CPA6: variants seen among roughly 807,000 people sequenced by gnomAD.
CPA6 encodes carboxypeptidase A6, also known as carboxypeptidase B.
In CPA6, 58 loss-of-function variants were observed where a neutral mutation model predicts 63.3. The observed-to-expected ratio is 0.92, with a 90% confidence interval of 0.74 to 1.14. The LOEUF (loss-of-function observed/expected upper bound fraction) is 1.14, where lower values mean the gene tolerates loss of function less well. Among genes scored for constraint, CPA6 ranks in the 50% most tolerant of loss-of-function variants. The pLI is 0.00. For synonymous variants in CPA6, 185 were observed against 179.0 expected, an observed-to-expected ratio of 1.03 and a Z score of -0.27; for missense variants, 565 against 526.6, an observed-to-expected ratio of 1.07 and a Z score of -0.71.
At chr8:67,707,651 G>A (rs1817165793) in intron 1 of CPA6, among the ~76,000 whole-genome samples, 1 of 152,208 alleles carries the variant, frequency 6.6e-6, no homozygotes, top group Admixed American at 6.5e-5. Context: ...GCTCAAGCCT[G>A]TAATCCCAGC....
At chr8:67,690,889 A>G (rs1816801289) in intron 1 of CPA6, among the ~76,000 whole-genome samples, 1 of 152,244 alleles carries the variant, frequency 6.6e-6, no homozygotes, top group South Asian at 2.1e-4. Context: ...GATAACAAAT[A>G]TAACTTTTCT....
At chr8:67,605,169 G>T (rs1004597181) in intron 2 of CPA6, among the ~76,000 whole-genome samples, 1 of 151,648 alleles carries the variant, frequency 6.6e-6, no homozygotes, top group African/African-American at 2.4e-5. Context: ...TCTACTCATG[G>T]TTGTGTCCTC....
intron 1 of CPA6, among the ~76,000 whole-genome samples, chr8:67,640,573 G>A (rs976920327): frequency 6.6e-6 from 1 of 151,370 alleles, no homozygotes; most frequent in Admixed American, 6.6e-5. Flanking sequence ...TGTGGGTTGG[G>A]CGACTGTTGC....
At chr8:67,484,586 C>T (rs1464940224) in intron 7 of CPA6, 93 bp downstream of exon 7, 3 of 606,030 alleles carry the variant, frequency 5.0e-6, no homozygotes, top group Non-Finnish European at 8.8e-6. Flanking sequence ...AGCTGATTGC[C>T]TGTCCAGCTT....
chr8:67,623,428 G>C (rs1815126502), intron 2 of CPA6, among the ~76,000 whole-genome samples: 1 of 150,232 alleles, frequency 6.7e-6, no homozygotes, highest in African/African-American at 2.4e-5. Context: ...TTTTTCTTGA[G>C]ACAGGGTTTC....
Position 67,572,586 on chromosome 8 carries a change from C to T in CPA6, c.192+51590G>A, listed in dbSNP as rs141380992. 4.2e-3 allele frequency among the ~76,000 whole-genome samples: 641 copies of T among 152,246 alleles called. 3 individuals carry two copies. The highest frequency in any genetic ancestry group is 0.014 in the African/African-American group (597 of 41,520). ...TGCAGAACTGTGAGCTAAATAGCCTCTTTTGTATATAAATTACCCAGTCTC... is the reference window on the plus strand; with the variant it reads ...TGCAGAACTGTGAGCTAAATAGCCTTTTTTGTATATAAATTACCCAGTCTC... On this transcript the variant is annotated intron_variant, in intron 2 of 10. Transcript: ENST00000297770.
At chr8:67,713,099 G>GTGTGTGTGTGTGTGTATATA (rs1328463977) in intron 1 of CPA6, among the ~76,000 whole-genome samples, 5 of 55,030 alleles carry the variant, frequency 9.1e-5, no homozygotes, top group African/African-American at 3.7e-4. Context: ...GTGTGTGTGT[G>GTGTGTGTGTGTGTGTATATA]TATATATATA....
intron 8 of CPA6, among the ~76,000 whole-genome samples, chr8:67,472,368 A>ATTTTT (rs770145821): frequency 1.4e-5 from 2 of 140,470 alleles, no homozygotes; most frequent in African/African-American, 6.0e-5. Flanking sequence ...TTTGTAAAAG[A>ATTTTT]TTTATTTTTT....
chr8:67,659,728 T>G (rs1410082447), intron 1 of CPA6, among the ~76,000 whole-genome samples: 1 of 152,216 alleles, frequency 6.6e-6, no homozygotes, highest in Non-Finnish European at 1.5e-5. Flanking sequence ...GCTGAATGCT[T>G]GAAGCAAAAC....
chr8:67,674,995 G>A (rs1816437903), intron 1 of CPA6, among the ~76,000 whole-genome samples: 2 of 152,076 alleles, frequency 1.3e-5, no homozygotes. Context: ...TATAAACATG[G>A]GAAGAACAGA....
At chr8:67,473,974 A>G (rs993224928) in intron 8 of CPA6, among the ~76,000 whole-genome samples, 1 of 152,156 alleles carries the variant, frequency 6.6e-6, no homozygotes, top group Non-Finnish European at 1.5e-5. Flanking sequence ...TTGACCAGGA[A>G]GGCTACTGTC....
intron 2 of CPA6, among the ~76,000 whole-genome samples, chr8:67,535,018 A>G (rs1371860137): frequency 4.6e-5 from 7 of 152,114 alleles, no homozygotes; most frequent in African/African-American, 1.7e-4. Context: ...AGCTTAATCC[A>G]TCTCCCTGCA....
chr8:67,575,421 G>T (rs1408867487), intron 2 of CPA6, among the ~76,000 whole-genome samples: 1 of 152,200 alleles, frequency 6.6e-6, no homozygotes, highest in East Asian at 1.9e-4. Context: ...GTATGTCAAA[G>T]ACATGTCTAC....
At chr8:67,456,224 A>T (rs771024070) in intron 8 of CPA6, among the ~76,000 whole-genome samples, 2 of 152,192 alleles carry the variant, frequency 1.3e-5, no homozygotes, top group Non-Finnish European at 2.9e-5. Context: ...ATTGCATTCT[A>T]AAATGTAGTT....
At chr8:67,507,987 C>G (rs905500901) in intron 5 of CPA6, among the ~76,000 whole-genome samples, 12 of 146,898 alleles carry the variant, frequency 8.2e-5, no homozygotes, top group African/African-American at 3.0e-4. Context: ...CTCCTGTATT[C>G]TATGGGGTGC....
intron 9 of CPA6, among the ~76,000 whole-genome samples, chr8:67,429,496 A>G (rs1316003825): frequency 2.0e-5 from 3 of 152,146 alleles, no homozygotes; most frequent in East Asian, 3.9e-4. Context: ...TCAGCTCAGA[A>G]ATGCATGAGG....
chr8:67,441,620 G>A (rs1362485575), intron 8 of CPA6, among the ~76,000 whole-genome samples: 1 of 152,092 alleles, frequency 6.6e-6, no homozygotes, highest in Non-Finnish European at 1.5e-5. Context: ...ATGATATAAA[G>A]TCAGAAATAA....
Position 67,721,197 on chromosome 8 carries a change from T to G in CPA6, c.116+24817A>C, listed in dbSNP as rs564068973. 6.0e-4 allele frequency among the ~76,000 whole-genome samples: 92 copies of G among 152,334 alleles called. 2 individuals are homozygous for G. In the South Asian group the frequency reaches 0.011, roughly 19 times the overall value. ...AGCTGAGCACTCTGGCTACGCCCAT[T>G]AGGTTACAAGGTCCTCTCGGACTTT... On this transcript the variant is annotated intron_variant, in intron 1 of 10. Coordinates refer to ENST00000297770, the MANE Select transcript of CPA6 (RefSeq NM_020361.5).
At chr8:67,536,732 T>C (rs1446809775) in intron 2 of CPA6, among the ~76,000 whole-genome samples, 1 of 152,180 alleles carries the variant, frequency 6.6e-6, no homozygotes, top group East Asian at 1.9e-4. Context: ...TCCAATACTA[T>C]GTTGAATAGG....
Sources: gnomAD v4.1 joint callset for allele counts (sites outside exome capture counted in the v4.1 genomes callset) on GRCh38, gnomAD v4.1.1 for gene constraint, MANE v1.5 for transcripts, NCBI Gene and HGNC (gene_info 2026-07-23, HGNC 2026-07-21) for gene names.